The following DLGAP1 variants were observed in gnomAD, a reference collection of about 807,000 sequenced individuals.
DLGAP1 encodes DLG associated protein 1.
DLGAP1 carries 11 observed loss-of-function variants against 90.8 expected under a neutral mutation model. The ratio of observed to expected loss-of-function variants is 0.12; its 90% CI spans 0.08 to 0.20. DLGAP1 has a LOEUF of 0.20. DLGAP1 is among the 10% of genes least tolerant of loss of function. The pLI, the probability that DLGAP1 is intolerant of heterozygous loss-of-function variation, is 1.00. For synonymous variants in DLGAP1, 558 were observed against 540.7 expected, an observed-to-expected ratio of 1.03 and a Z score of -0.44; for missense variants, 1,050 against 1,333.8, an observed-to-expected ratio of 0.79 and a Z score of 3.31.
intron 4 of DLGAP1, among the ~76,000 whole-genome samples, chr18:3,818,424 ATCT>A (rs2067218313): frequency 8.1e-6 from 1 of 123,916 alleles, no homozygotes; most frequent in African/African-American, 3.2e-5. Context: ...CAGTGGCGTG[ATCT>A]TAGCTCACTG....
At chr18:4,119,215 C>T (rs1049335617) in intron 2 of DLGAP1, among the ~76,000 whole-genome samples, 2 of 152,162 alleles carry the variant, frequency 1.3e-5, no homozygotes, top group East Asian at 1.9e-4. Context: ...CCTCAGCCTC[C>T]CCTGCAGCTG....
At chr18:3,794,757 G>C (rs1408913523) in intron 5 of DLGAP1, among the ~76,000 whole-genome samples, 1 of 152,252 alleles carries the variant, frequency 6.6e-6, no homozygotes, top group East Asian at 1.9e-4. Context: ...GTGGCTGTGT[G>C]GCTGGGAGTT....
intron 3 of DLGAP1, among the ~76,000 whole-genome samples, chr18:3,987,893 G>C (rs1315207780): frequency 6.6e-6 from 1 of 152,076 alleles, no homozygotes; most frequent in Non-Finnish European, 1.5e-5. Context: ...TACCAGTGGT[G>C]CCCAACCTTT....
In DLGAP1 at chr18:3,514,347, A is replaced by T. The variant is rs540338663; in HGVS notation, c.2480-5686T>A. Among the ~76,000 whole-genome samples the T allele has an allele frequency of 1.0e-3, 152 of 152,274 alleles. 1 individual carries two copies. The highest frequency in any genetic ancestry group is 3.3e-3 in the African/African-American group (136 of 41,560). ...ATCAGACCTTACTTTAAGGCCTCAG[A>T]AACAGAGAAGAATAGACATATTTCT... On this transcript the variant is annotated intron_variant, in intron 10 of 12. Coordinates refer to ENST00000315677, the MANE Select transcript of DLGAP1 (RefSeq NM_004746.4).
At chr18:3,572,532 C>T (rs34601778) in intron 8 of DLGAP1, among the ~76,000 whole-genome samples, 54,681 of 151,908 alleles carry the variant, frequency 0.36, 11,200 homozygotes, top group East Asian at 0.82. Flanking sequence ...ACTAAGCAAC[C>T]TCCACCCCCC....
rs561263345 is a variant in DLGAP1 at position 3,711,036 on chromosome 18, G to A, written c.1591+18099C>T. Reference sequence around the variant, plus strand: ...GTGAGGGCAAGAAGAAGGCCAGTGCGTCTGCAACAGAAGAGTCCAGAAACA... The same window carrying A: ...GTGAGGGCAAGAAGAAGGCCAGTGCATCTGCAACAGAAGAGTCCAGAAACA... On this transcript the variant is annotated intron_variant, in intron 7 of 12. Coordinates refer to ENST00000315677, the MANE Select transcript of DLGAP1 (RefSeq NM_004746.4). This position sits in a 1 kb window ranked among gnomAD's most constrained non-coding sequence, Gnocchi z 4.0. Among the ~76,000 whole-genome samples, 43 of 152,334 alleles carry A rather than the reference G, an allele frequency of 2.8e-4. 1 individual carries two copies. Among genetic ancestry groups the A allele is most frequent in the African/African-American group, 7.5e-4 (31 of 41,578 alleles).
At chr18:3,719,928 G>A (rs959674053) in intron 7 of DLGAP1, among the ~76,000 whole-genome samples, 4 of 152,240 alleles carry the variant, frequency 2.6e-5, no homozygotes, top group Admixed American at 1.3e-4. Flanking sequence ...AATATGTAAT[G>A]GAATAAGAAA....
chr18:3,863,317 T>C (rs995239833), intron 4 of DLGAP1, among the ~76,000 whole-genome samples: 1 of 152,196 alleles, frequency 6.6e-6, no homozygotes, highest in African/African-American at 2.4e-5. Flanking sequence ...GCTTTATGCC[T>C]CATGTGTTCA....
chr18:4,090,459 A>G (rs374645140), intron 2 of DLGAP1, among the ~76,000 whole-genome samples: 3 of 152,258 alleles, frequency 2.0e-5, no homozygotes, highest in Admixed American at 1.3e-4. Flanking sequence ...TTCTTCAAAG[A>G]AGACATTTAC....
chr18:4,110,854 T>A (rs2075959828), intron 2 of DLGAP1, among the ~76,000 whole-genome samples: 1 of 152,182 alleles, frequency 6.6e-6, no homozygotes, highest in African/African-American at 2.4e-5. Flanking sequence ...GCTCAGAAAG[T>A]CCCCTGAGAT....
At chr18:3,644,367 T>G (rs1221015098) in intron 7 of DLGAP1, among the ~76,000 whole-genome samples, 1 of 152,120 alleles carries the variant, frequency 6.6e-6, no homozygotes, top group Non-Finnish European at 1.5e-5. Context: ...GAAGACATAT[T>G]AGGACAAAAT....
intron 2 of DLGAP1, among the ~76,000 whole-genome samples, chr18:4,058,039 T>C (rs2075247405): frequency 6.6e-6 from 1 of 152,202 alleles, no homozygotes; most frequent in Non-Finnish European, 1.5e-5. Flanking sequence ...GAGGCACTTA[T>C]GGCCCTCTGG....
intron 3 of DLGAP1, among the ~76,000 whole-genome samples, chr18:3,912,739 G>A: frequency 6.6e-6 from 1 of 152,144 alleles, no homozygotes; most frequent in Non-Finnish European, 1.5e-5. Context: ...ACTTGCTGAG[G>A]CCTCAGCTCT....
At chr18:4,102,186 A>C (rs1202751294) in intron 2 of DLGAP1, among the ~76,000 whole-genome samples, 1 of 152,142 alleles carries the variant, frequency 6.6e-6, no homozygotes, top group South Asian at 2.1e-4. Context: ...AACTGTTCTA[A>C]AGGACTCCAG....
chr18:3,817,703 A>AT (rs1568184560), intron 4 of DLGAP1, among the ~76,000 whole-genome samples: 1 of 152,040 alleles, frequency 6.6e-6, no homozygotes, highest in Non-Finnish European at 1.5e-5. Context: ...ATATAAAGTG[A>AT]TAAGCATACC....
chr18:4,100,550 C>T lies in DLGAP1; in HGVS notation c.-159+50630G>A, dbSNP rs913479644. Among the ~76,000 whole-genome samples, 8 of 152,310 alleles carry T rather than the reference C, an allele frequency of 5.3e-5. No homozygotes were observed. The East Asian group carries it at 1.3e-3, about 26-fold the overall frequency. On this transcript the variant is annotated intron_variant, in intron 2 of 12. Coordinates refer to ENST00000315677, the MANE Select transcript of DLGAP1 (RefSeq NM_004746.4). ...GCGCATTGGCTTCAACTTAAAGTCA[C>T]CAGCTGCATTAGCCCCTAACAAGAG...
chr18:4,314,700 A>G (rs1048134254), intron 1 of DLGAP1, among the ~76,000 whole-genome samples: 1 of 152,210 alleles, frequency 6.6e-6, no homozygotes. Context: ...ATTCCCCTAA[A>G]TAATCAGTGA....
Position 3,499,334 on chromosome 18 carries a change from G to A in DLGAP1, c.2785C>T (p.Arg929Trp). ...TGCGAGCTCTCCAGCGAGCGCTCCC[G>A]GATCAGCGGCGCGGGGCCCTTCGCC... ...KPAKGPAPLI[R>W]ERSLESSQRQ... The change falls in exon 13 of 13, where the codon CGG (arginine) becomes TGG (tryptophan). Residue 929 changes from arginine (R) to tryptophan (W), a missense_variant. Physicochemically the swap from Arg to Trp is moderately radical, Grantham distance 101. This residue lies in a region of DLGAP1 where 565 missense variants were observed against 879.7 expected (regional missense o/e 0.64). Transcript: ENST00000315677. This position sits in a 1 kb window ranked among gnomAD's most constrained non-coding sequence, Gnocchi z 6.4. The A allele has an allele frequency of 2.6e-6, 4 of 1,562,164 alleles. No homozygotes were observed. Among genetic ancestry groups the A allele is most frequent in the Non-Finnish European group, 3.5e-6 (4 of 1,154,256 alleles).
chr18:4,284,203 G>GAAAA (rs11392858), intron 1 of DLGAP1, among the ~76,000 whole-genome samples: 17 of 134,630 alleles, frequency 1.3e-4, no homozygotes, highest in Admixed American at 2.3e-4. Flanking sequence ...TGCCTCTACT[G>GAAAA]AAAAAAAAAA....
Sources: gnomAD v4.1 joint callset for allele counts (sites outside exome capture counted in the v4.1 genomes callset) on GRCh38, gnomAD v4.1.1 for gene constraint, gnomAD v4.1.1 regional missense constraint, Gnocchi (gnomAD v3.1) non-coding constraint, MANE v1.5 for transcripts, NCBI Gene and HGNC (gene_info 2026-07-23, HGNC 2026-07-21) for gene names.